ACYP1: variants seen among roughly 807,000 people sequenced by gnomAD.
ACYP1 encodes the protein acylphosphatase-1.
In ACYP1, 8 loss-of-function variants were observed where a neutral mutation model predicts 10.4. The observed-to-expected ratio is 0.77, with a 90% CI of 0.45 to 1.38. ACYP1 has a LOEUF of 1.38. Ranked by LOEUF, ACYP1 falls within the 40% of genes most tolerant of loss-of-function variation. ACYP1 has a pLI of 0.00. For synonymous variants in ACYP1, 38 were observed against 40.8 expected, an observed-to-expected ratio of 0.93 and a Z score of 0.26; for missense variants, 93 against 117.3, an observed-to-expected ratio of 0.79 and a Z score of 0.96.
chr14:75,059,721 G>C (rs1319532103), intron 2 of ACYP1: 1 of 152,136 alleles, frequency 6.6e-6, no homozygotes, highest in Admixed American at 6.5e-5. Flanking sequence ...TCATTAGGAA[G>C]GCAAATCAAA....
chr14:75,063,271 A>G (rs1893073548), intron 2 of ACYP1, 199 bp downstream of exon 2: 2 of 569,124 alleles, frequency 3.5e-6, no homozygotes, highest in South Asian at 2.0e-5. Context: ...CTGACTAATA[A>G]TAACAGCAGG....
At chr14:75,053,724 T>A (rs769264399) in intron 2 of ACYP1, 65 bp from the exon 3 acceptor site, 34 of 1,478,708 alleles carry the variant, frequency 2.3e-5, no homozygotes, top group African/African-American at 5.6e-5. Flanking sequence ...GACTACAATC[T>A]GTTGCCAGAA....
upstream of ACYP1, among the ~76,000 whole-genome samples, chr14:75,066,628 G>A (rs1893146505): frequency 6.6e-6 from 1 of 152,314 alleles, no homozygotes; most frequent in Admixed American, 6.5e-5. Flanking sequence ...CACTTTGGGA[G>A]GCTAAGGCAG....
chr14:75,056,001 AATTAG>A (rs559633808), intron 2 of ACYP1, among the ~76,000 whole-genome samples: 107 of 151,650 alleles, frequency 7.1e-4, no homozygotes, highest in Non-Finnish European at 1.2e-3. Flanking sequence ...TATGCCAAAA[AATTAG>A]ATTAAATTTT....
Position 75,053,525 on chromosome 14 carries a change from T to C in ACYP1, c.219A>G (p.Lys73=). The C allele has an allele frequency of 6.2e-7, 1 of 1,614,198 alleles. No individual in the cohort carries two copies. Among genetic ancestry groups the C allele is most frequent in the East Asian group, 2.2e-5 (1 of 44,888 alleles). ...TGAAGTTTGCTTTGTCGATGTGTGA[T>C]TTAGGACTTCCTCTTGTTTCAAGCC... ...QEWLETRGSP[K]SHIDKANFNN... The change falls in exon 3 of 3, where the codon AAA becomes AAG. Residue 73 remains lysine, a synonymous_variant. Transcript: ENST00000238618.
intron 2 of ACYP1, among the ~76,000 whole-genome samples, chr14:75,056,131 T>G (rs1892871619): frequency 6.6e-6 from 1 of 151,140 alleles, no homozygotes; most frequent in South Asian, 2.1e-4. Flanking sequence ...ATCAAAAACT[T>G]CCCACAGATA....
chr14:75,053,611 G>C lies in ACYP1; in HGVS notation c.133C>G (p.Arg45Gly). Residue 45 changes from arginine to glycine, a missense_variant, in exon 3 of 3, where the codon CGG becomes GGG. Physicochemically the swap from Arg to Gly is moderately radical, Grantham distance 125 (BLOSUM62 -2). Coordinates refer to ENST00000238618, the MANE Select transcript of ACYP1 (RefSeq NM_001107.5). ...GLVGWVQNTDRGTVQGQLQGP... is the reference protein window; with the variant it reads ...GLVGWVQNTDGGTVQGQLQGP... The stretch of plus-strand genomic sequence containing the variant: ...TGCAATTGTCCTTGCACTGTGCCCC[G>C]GTCAGTGTTCTGGACCCAGCCTACC... 1 of 1,614,092 alleles carries C rather than the reference G, an allele frequency of 6.2e-7. No homozygotes were observed. The highest frequency in any genetic ancestry group is 1.3e-5 in the African/African-American group (1 of 75,008).
chr14:75,065,530 T>C (rs1893127976), upstream of ACYP1, among the ~76,000 whole-genome samples: 1 of 152,166 alleles, frequency 6.6e-6, no homozygotes, highest in African/African-American at 2.4e-5. Flanking sequence ...AAAAAATAGT[T>C]TATAGAATTC....
At chr14:75,057,267 T>TA (rs1366285696) in intron 2 of ACYP1, among the ~76,000 whole-genome samples, 1 of 151,486 alleles carries the variant, frequency 6.6e-6, no homozygotes, top group Non-Finnish European at 1.5e-5. Context: ...ATCAAAAAGA[T>TA]AGAGTGTCTA....
intron 2 of ACYP1, among the ~76,000 whole-genome samples, chr14:75,062,087 A>G (rs2139656953): frequency 6.9e-6 from 1 of 143,908 alleles, no homozygotes; most frequent in African/African-American, 2.6e-5. Flanking sequence ...GGCAAAAAGA[A>G]TGAAACTCTG....
At chr14:75,063,390 G>A in intron 2 of ACYP1, 80 bp downstream of exon 2, 1 of 1,203,114 alleles carries the variant, frequency 8.3e-7, no homozygotes. Context: ...GCGGCTTCTA[G>A]TTCACATTTG....
At chr14:75,062,296 C>T (rs528436784) in intron 2 of ACYP1, among the ~76,000 whole-genome samples, 4 of 147,528 alleles carry the variant, frequency 2.7e-5, no homozygotes, top group East Asian at 2.0e-4. Context: ...CTGGGTGTGG[C>T]GGCATGCACC....
upstream of ACYP1, among the ~76,000 whole-genome samples, chr14:75,064,777 G>A (rs1364765426): frequency 1.3e-5 from 2 of 152,048 alleles, no homozygotes; most frequent in Non-Finnish European, 2.9e-5. Context: ...TCATAAATAT[G>A]TTGAGTAGGA....
rs188990308 is a variant in ACYP1 at position 75,057,304 on chromosome 14, C to T, written c.85-3645G>A. On this transcript the variant is annotated intron_variant, in intron 2 of 2. Coordinates refer to ENST00000238618, the MANE Select transcript of ACYP1 (RefSeq NM_001107.5). ...GAATAAATTTAACAAAAGAATTGCA[C>T]GACATATATGGAAATCTACAAAACA... Among the ~76,000 whole-genome samples, 17 of 151,270 alleles carry T rather than the reference C, an allele frequency of 1.1e-4. 1 individual carries two copies. The highest frequency in any genetic ancestry group is 2.9e-4 in the African/African-American group (12 of 40,886).
chr14:75,069,282 A>T (rs1893237333), exon 1 of ACYP1: 2 of 1,445,094 alleles, frequency 1.4e-6, no homozygotes, highest in Non-Finnish European at 1.8e-6. Context: ...AGGCGGGCGG[A>T]CGCCGGCATC....
exon 1 of ACYP1, chr14:75,069,424 TC>T: frequency 2.9e-6 from 2 of 682,690 alleles, no homozygotes; most frequent in Non-Finnish European, 4.5e-6. Flanking sequence ...GAAAAGCCTC[TC>T]CCGCCCCTCC....
intron 2 of ACYP1, among the ~76,000 whole-genome samples, chr14:75,057,484 G>A (rs540001760): frequency 6.6e-6 from 1 of 151,466 alleles, no homozygotes; most frequent in South Asian, 2.1e-4. Context: ...TGCAGAAATC[G>A]AAAAATTGAT....
chr14:75,061,216 A>G (rs1158834007), intron 2 of ACYP1, among the ~76,000 whole-genome samples: 2 of 152,166 alleles, frequency 1.3e-5, no homozygotes, highest in Non-Finnish European at 2.9e-5. Flanking sequence ...GATGATGAAA[A>G]TGTTCTGGAA....
At chr14:75,059,950 T>G in intron 2 of ACYP1, 2 of 256,370 alleles carry the variant, frequency 7.8e-6, no homozygotes, top group Non-Finnish European at 7.4e-6. Context: ...GTCAGGGGCA[T>G]GGGGGAAGGA....
Sources: allele counts gnomAD v4.1 joint callset (sites outside exome capture counted in the v4.1 genomes callset), GRCh38; gene constraint gnomAD v4.1.1; transcripts MANE v1.5; gene names NCBI Gene and HGNC (gene_info 2026-07-23, HGNC 2026-07-21).